Variants in ARFGEF3 observed in about 807,000 individuals in gnomAD.
ARFGEF3 encodes the protein brefeldin A-inhibited guanine nucleotide-exchange protein 3.
A neutral mutation model predicts 221.7 loss-of-function variants in ARFGEF3; 96 were observed. The ratio of observed to expected loss-of-function variants is 0.43; its 90% confidence interval spans 0.37 to 0.51. The LOEUF is 0.51. Among genes scored for constraint, ARFGEF3 ranks in the 20% least tolerant of loss-of-function variants. ARFGEF3 has a pLI of 0.00. For missense variants in ARFGEF3, 2,410 were observed against 2,789.9 expected, an observed-to-expected ratio of 0.86 and a Z score of 3.07; for synonymous variants, 1,145 against 1,126.8, an observed-to-expected ratio of 1.02 and a Z score of -0.32.
chr6:138,194,989 A>ATTT (rs747099029), intron 2 of ARFGEF3, among the ~76,000 whole-genome samples: 1,348 of 84,126 alleles, frequency 0.016, 172 homozygotes, highest in African/African-American at 0.055. Context: ...CTTTTCCCTA[A>ATTT]TTTTTTTTTT....
chr6:138,292,017 C>T lies in ARFGEF3; in HGVS notation c.3332C>T (p.Ala1111Val), dbSNP rs1186981066. Reference protein sequence around the residue: ...GGSLMSGSSAAKVVLTLSTQA... With the variant: ...GGSLMSGSSAVKVVLTLSTQA... ...AGCCTCATGAGCGGGAGCAGCGCGG[C>T]CAAGGTGGTGCTCACCCTCTCCACG... The change falls in exon 19 of 34, where the codon GCC becomes GTC. Residue 1111 changes from alanine to valine, a missense_variant. Coordinates refer to ENST00000251691, the MANE Select transcript of ARFGEF3 (RefSeq NM_020340.5). 2 of 1,517,096 alleles carry T rather than the reference C, an allele frequency of 1.3e-6. No individual in the cohort carries two copies. The highest frequency in any genetic ancestry group is 1.4e-5 in the African/African-American group (1 of 71,114). 94.0% of individuals were successfully genotyped at this position (1,517,096 alleles called of 1,614,324 possible).
intron 20 of ARFGEF3, 54 bp downstream of exon 20, chr6:138,294,180 A>AT: frequency 6.3e-7 from 1 of 1,582,776 alleles, no homozygotes; most frequent in African/African-American, 1.3e-5. Flanking sequence ...GAAACAGCCC[A>AT]GGCCTCTATC....
intron 2 of ARFGEF3, among the ~76,000 whole-genome samples, chr6:138,175,383 T>C (rs1367372858): frequency 1.3e-5 from 2 of 152,192 alleles, no homozygotes; most frequent in Non-Finnish European, 2.9e-5. Flanking sequence ...GCTTCTCTTT[T>C]CCCTTTTCTT....
rs1780339707 is a variant in ARFGEF3, at chr6:138,337,061, T to C, written c.*575T>C. The C allele has an allele frequency of 6.6e-6, 1 of 152,634 alleles. No homozygotes were observed. Among genetic ancestry groups the C allele is most frequent in the Non-Finnish European group, 1.5e-5 (1 of 68,038 alleles). The allele number at this position is 152,634 out of a possible 1,614,324, so 9.5% of individuals were successfully genotyped here. ...CTGTTGTAAAATAATCCAGAACACT[T>C]CAAAATTATTCCTAAATCATTAAGA... On this transcript the variant is annotated 3_prime_UTR_variant, in exon 34 of 34. Transcript: ENST00000251691.
chr6:138,248,994 T>G (rs1778534489), intron 8 of ARFGEF3, among the ~76,000 whole-genome samples: 1 of 152,206 alleles, frequency 6.6e-6, no homozygotes, highest in Admixed American at 6.5e-5. Flanking sequence ...TTCATGGTTC[T>G]TTAAACCTGG....
chr6:138,304,443 AG>A (rs1397260499), intron 22 of ARFGEF3, among the ~76,000 whole-genome samples: 4 of 152,226 alleles, frequency 2.6e-5, no homozygotes, highest in African/African-American at 9.6e-5. Flanking sequence ...TGCACATTAA[AG>A]GCCTATTAAC....
rs753317252 is a variant in ARFGEF3 at position 138,335,196 on chromosome 6, C to A, written c.6342+8C>A. ...GCAGAAGCACAGATCCAGGTACATCCCTGTGGCCACAGCAGGTGGGCGGGA... is the reference window on the plus strand; with the variant it reads ...GCAGAAGCACAGATCCAGGTACATCACTGTGGCCACAGCAGGTGGGCGGGA... On this transcript the variant is annotated splice_region_variant and intron_variant, in intron 33 of 33. Coordinates refer to ENST00000251691, the MANE Select transcript of ARFGEF3 (RefSeq NM_020340.5). 2.6e-6 allele frequency: 4 copies of A among 1,519,406 alleles called. No homozygotes were observed. Among genetic ancestry groups the A allele is most frequent in the South Asian group, 1.3e-5 (1 of 77,248 alleles). The allele number at this position is 1,519,406 out of a possible 1,614,324, so 94.1% of individuals were successfully genotyped here. A position where few individuals can be genotyped will look rare whatever the true frequency, so the allele number is the denominator to read the frequency against.
At position 138,341,841 on chromosome 6, in the gene ARFGEF3, C is replaced by T. The variant is rs935551883; in HGVS notation, c.*5355C>T. On this transcript the variant is annotated 3_prime_UTR_variant, in exon 34 of 34. Coordinates refer to ENST00000251691, the MANE Select transcript of ARFGEF3 (RefSeq NM_020340.5). ...ACAGACCAAAAATATCTCCTGAGATCATTGGTTTCTTTATAAATTGTGGTA... is the reference window on the plus strand; with the variant it reads ...ACAGACCAAAAATATCTCCTGAGATTATTGGTTTCTTTATAAATTGTGGTA... The T allele has an allele frequency of 1.3e-5, 2 of 152,176 alleles. No homozygotes were observed. Among genetic ancestry groups the T allele is most frequent in the Non-Finnish European group, 2.9e-5 (2 of 68,024 alleles). The allele number at this position is 152,176 out of a possible 1,614,324, so 9.4% of individuals were successfully genotyped here.
At chr6:138,228,947 C>G (rs1295892209) in intron 4 of ARFGEF3, among the ~76,000 whole-genome samples, 2 of 152,230 alleles carry the variant, frequency 1.3e-5, no homozygotes, top group African/African-American at 4.8e-5. Flanking sequence ...AGAGTAGCCT[C>G]TTACCTACAA....
Position 138,324,110 on chromosome 6 carries a change from A to G in ARFGEF3, c.4957A>G (p.Ser1653Gly). The change falls in exon 31 of 34, where the codon AGT (serine) becomes GGT (glycine). Residue 1653 changes from serine (S) to glycine (G), a missense_variant. By Grantham distance (56) the Ser-to-Gly change is moderately conservative. Around this residue, in one of 5 missense-constraint regions of ARFGEF3, gnomAD observed 723 missense variants for 991.9 expected, o/e 0.73. Coordinates refer to ENST00000251691, the MANE Select transcript of ARFGEF3 (RefSeq NM_020340.5). ...VRVAAPSSSP[S>G]AEAEYWRIRA... The stretch of plus-strand genomic sequence containing the variant: ...AGTGGCGGCCCCGTCCTCCTCCCCA[A>G]GTGCCGAGGCCGAGTACTGGCGCAT... The G allele has an allele frequency of 2.5e-6, 4 of 1,613,808 alleles. No homozygotes were observed. Among genetic ancestry groups the G allele is most frequent in the Non-Finnish European group, 3.4e-6 (4 of 1,179,868 alleles).
chr6:138,276,880 G>A (rs1025359125), intron 12 of ARFGEF3, among the ~76,000 whole-genome samples: 1 of 152,132 alleles, frequency 6.6e-6, no homozygotes, highest in Non-Finnish European at 1.5e-5. Flanking sequence ...TGGGCAGGAT[G>A]GTCTGGAACT....
intron 22 of ARFGEF3, 45 bp from the exon 23 acceptor site, chr6:138,307,208 T>C (rs1779743105): frequency 6.9e-6 from 11 of 1,601,622 alleles, no homozygotes; most frequent in Non-Finnish European, 9.4e-6. Flanking sequence ...ATTCTGCTCC[T>C]TTTAAGGAGA....
chr6:138,260,698 A>T (rs1778775962), intron 10 of ARFGEF3, among the ~76,000 whole-genome samples: 1 of 152,318 alleles, frequency 6.6e-6, no homozygotes, highest in African/African-American at 2.4e-5. Flanking sequence ...ACAAGGAAAT[A>T]TAGGGGATTT....
rs188474404 is a variant in ARFGEF3, at chr6:138,318,333, T to C, written c.4474+954T>C. ...TGTGTGAAGAGCATTTAATCCACTTTTGTTCCTAGGAGCCTGTCATCTAAG... is the reference window on the plus strand; with the variant it reads ...TGTGTGAAGAGCATTTAATCCACTTCTGTTCCTAGGAGCCTGTCATCTAAG... On this transcript the variant is annotated intron_variant, in intron 27 of 33. Coordinates refer to ENST00000251691, the MANE Select transcript of ARFGEF3 (RefSeq NM_020340.5). 1.7e-3 allele frequency among the ~76,000 whole-genome samples: 263 copies of C among 152,270 alleles called. 1 individual carries two copies. Among genetic ancestry groups the C allele is most frequent in the African/African-American group, 6.0e-3 (249 of 41,552 alleles).
At chr6:138,306,191 GATAA>G (rs1779720810) in intron 22 of ARFGEF3, among the ~76,000 whole-genome samples, 1 of 151,668 alleles carries the variant, frequency 6.6e-6, no homozygotes, top group Non-Finnish European at 1.5e-5. Flanking sequence ...ATTATCCAAA[GATAA>G]ATAAGAACAA....
intron 2 of ARFGEF3, among the ~76,000 whole-genome samples, chr6:138,203,022 T>C (rs775272341): frequency 1.3e-5 from 2 of 152,100 alleles, no homozygotes; most frequent in Non-Finnish European, 2.9e-5. Flanking sequence ...CCTTGAATGT[T>C]GAGCAGAGCT....
In ARFGEF3 at chr6:138,263,097, G is replaced by A. The variant is rs374452864; in HGVS notation, c.1614G>A (p.Ser538=). 2.0e-5 allele frequency: 32 copies of A among 1,613,684 alleles called. No homozygotes were observed. The highest frequency in any genetic ancestry group is 1.6e-4 in the Middle Eastern group (1 of 6,084). Residue 538 remains serine, a synonymous_variant, in exon 12 of 34, where the codon TCG becomes TCA. Transcript: ENST00000251691. ...HSGNHKNSLK[S]PAIPEGKETL... The stretch of plus-strand genomic sequence containing the variant: ...GAAACCACAAGAACAGTCTCAAGTC[G>A]CCAGCCATCCCAGAGGGTAAGGAGA...
chr6:138,189,796 A>G (rs1451070447), intron 2 of ARFGEF3, among the ~76,000 whole-genome samples: 3 of 152,126 alleles, frequency 2.0e-5, no homozygotes, highest in East Asian at 1.9e-4. Flanking sequence ...TAAAATGTAT[A>G]TGGTCAGGAA....
chr6:138,217,817 G>T, intron 4 of ARFGEF3: 1 of 924,768 alleles, frequency 1.1e-6, no homozygotes, highest in Non-Finnish European at 1.5e-6. Context: ...ATCAACATGG[G>T]TTTGTATTTT....
Sources: allele counts gnomAD v4.1 joint callset (sites outside exome capture counted in the v4.1 genomes callset), GRCh38; gene constraint gnomAD v4.1.1; regional missense constraint gnomAD v4.1.1; transcripts MANE v1.5; gene names NCBI Gene and HGNC (gene_info 2026-07-23, HGNC 2026-07-21).